Variants in STK32C observed in about 807,000 individuals in gnomAD.
STK32C encodes serine/threonine-protein kinase 32C.
STK32C carries 31 observed loss-of-function variants against 56.5 expected under a neutral mutation model. The ratio of observed to expected loss-of-function variants is 0.55; its 90% CI spans 0.41 to 0.74. The LOEUF (loss-of-function observed/expected upper bound fraction) is 0.74, where lower values mean the gene tolerates loss of function less well. Ranked by LOEUF, STK32C falls within the 30% of genes least tolerant of loss-of-function variation. The probability of loss-of-function intolerance (pLI) is 0.00; values close to 1 mark genes in which losing one functional copy is unlikely to be tolerated. For missense variants in STK32C, 544 were observed against 676.9 expected, an observed-to-expected ratio of 0.80 and a Z score of 2.18; for synonymous variants, 309 against 289.4, an observed-to-expected ratio of 1.07 and a Z score of -0.69.
chr10:132,219,567 A>C (rs973096448), intron 10 of STK32C, among the ~76,000 whole-genome samples: 3 of 152,162 alleles, frequency 2.0e-5, no homozygotes, highest in Non-Finnish European at 4.4e-5. Context: ...AATGGGGGCA[A>C]TGCCAAAGAA....
chr10:132,269,402 C>T (rs892128400), intron 1 of STK32C, among the ~76,000 whole-genome samples: 15 of 152,192 alleles, frequency 9.9e-5, no homozygotes, highest in Admixed American at 9.8e-4. Flanking sequence ...GCCTGGATTC[C>T]ACTGGCCGCA....
intron 1 of STK32C, among the ~76,000 whole-genome samples, chr10:132,303,364 T>A (rs2065966869): frequency 6.6e-6 from 1 of 152,234 alleles, no homozygotes; most frequent in Non-Finnish European, 1.5e-5. Flanking sequence ...AAATTATTAT[T>A]AACTGTGCTG....
intron 1 of STK32C, among the ~76,000 whole-genome samples, chr10:132,260,026 A>G (rs2064251774): frequency 6.6e-6 from 1 of 152,094 alleles, no homozygotes; most frequent in African/African-American, 2.4e-5. Context: ...CGGAGGCCCC[A>G]TGCACACATG....
intron 10 of STK32C, among the ~76,000 whole-genome samples, chr10:132,216,202 C>T (rs771166958): frequency 2.0e-5 from 3 of 152,180 alleles, no homozygotes; most frequent in Non-Finnish European, 4.4e-5. Context: ...CGGTGGCTCA[C>T]GCCTGTAATC....
intron 1 of STK32C, among the ~76,000 whole-genome samples, chr10:132,271,549 C>G (rs1274837159): frequency 6.6e-6 from 1 of 152,192 alleles, no homozygotes; most frequent in African/African-American, 2.4e-5. Flanking sequence ...AAATCTGACC[C>G]CACACACAGC....
chr10:132,238,445 G>A (rs899454361), intron 2 of STK32C, among the ~76,000 whole-genome samples: 1 of 152,232 alleles, frequency 6.6e-6, no homozygotes, highest in Non-Finnish European at 1.5e-5. Flanking sequence ...GGGGAAACAC[G>A]GGCAGAGCCT....
In STK32C at chr10:132,269,105, G is replaced by A. The variant is rs538395349; in HGVS notation, c.263-23150C>T. ...CAGCTGTGCCTGCGTGCGTCACATC[G>A]TGTGTGTGTGTGCCTGCGTGTGTAC... On this transcript the variant is annotated intron_variant, in intron 1 of 11. Coordinates refer to ENST00000298630, the MANE Select transcript of STK32C (RefSeq NM_173575.4). Among the ~76,000 whole-genome samples the A allele has an allele frequency of 5.1e-3, 765 of 150,470 alleles. 2 individuals are homozygous for A. Among genetic ancestry groups the A allele is most frequent in the Non-Finnish European group, 8.4e-3 (567 of 67,738 alleles).
intron 10 of STK32C, 67 bp downstream of exon 10, chr10:132,222,574 G>A: frequency 6.3e-7 from 1 of 1,579,328 alleles, no homozygotes; most frequent in Non-Finnish European, 8.6e-7. Context: ...CACACGCCTT[G>A]CTCGGTGGTA....
chr10:132,281,320 G>A (rs1032134222), intron 1 of STK32C, among the ~76,000 whole-genome samples: 2 of 151,474 alleles, frequency 1.3e-5, no homozygotes, highest in Non-Finnish European at 2.9e-5. Flanking sequence ...GGGGTTATCT[G>A]GGTGTGAGAT....
intron 1 of STK32C, among the ~76,000 whole-genome samples, chr10:132,300,938 G>T (rs1278434947): frequency 6.6e-6 from 1 of 152,190 alleles, no homozygotes; most frequent in Non-Finnish European, 1.5e-5. Context: ...AGAGAGGGAG[G>T]TTCAGAGAAA....
At chr10:132,305,531 C>T (rs1480487176) in intron 1 of STK32C, among the ~76,000 whole-genome samples, 1 of 152,208 alleles carries the variant, frequency 6.6e-6, no homozygotes, top group African/African-American at 2.4e-5. Flanking sequence ...CCAGGGCCTC[C>T]TTAAGCCAGT....
chr10:132,269,020 T>C (rs564688398), intron 1 of STK32C, among the ~76,000 whole-genome samples: 2 of 151,336 alleles, frequency 1.3e-5, no homozygotes, highest in East Asian at 3.9e-4. Context: ...TATGCCTGTG[T>C]GCACGCATGT....
rs543497907 is a variant in STK32C, at chr10:132,223,491, G to A, written c.994-505C>T. 3.9e-5 allele frequency among the ~76,000 whole-genome samples: 6 copies of A among 152,364 alleles called. No homozygotes were observed. The East Asian group carries it at 7.7e-4, about 20-fold the overall frequency. On this transcript the variant is annotated intron_variant, in intron 8 of 11. Transcript: ENST00000298630. ...AATGCCGCAGACCCAGACCCCGTGCGAGGTTTCCCAGACCTGGGCTTGGGC... is the reference window on the plus strand; with the variant it reads ...AATGCCGCAGACCCAGACCCCGTGCAAGGTTTCCCAGACCTGGGCTTGGGC...
upstream of STK32C, among the ~76,000 whole-genome samples, chr10:132,312,146 A>G (rs926911716): frequency 3.3e-5 from 5 of 152,252 alleles, no homozygotes; most frequent in African/African-American, 1.2e-4. Flanking sequence ...AGCTCGGACC[A>G]TAGATCCATG....
chr10:132,314,128 T>C (rs894625285), intron 1 of STK32C, among the ~76,000 whole-genome samples: 1 of 152,232 alleles, frequency 6.6e-6, no homozygotes, highest in Non-Finnish European at 1.5e-5. Flanking sequence ...CCCGCCCTTC[T>C]CTGCCCCTCT....
chr10:132,217,628 T>C (rs1046049414), intron 10 of STK32C, among the ~76,000 whole-genome samples: 3 of 152,112 alleles, frequency 2.0e-5, no homozygotes, highest in Non-Finnish European at 2.9e-5. Flanking sequence ...TTCCCACATG[T>C]TGTGGGAGGA....
chr10:132,318,486 G>A (rs1185013517), intron 1 of STK32C, among the ~76,000 whole-genome samples: 3 of 151,250 alleles, frequency 2.0e-5, no homozygotes, highest in South Asian at 2.1e-4. Flanking sequence ...ATGGTGGTGC[G>A]CACCTGTAAT....
At chr10:132,315,727 G>T (rs537821120) in intron 1 of STK32C, among the ~76,000 whole-genome samples, 2 of 152,134 alleles carry the variant, frequency 1.3e-5, no homozygotes, top group African/African-American at 4.8e-5. Flanking sequence ...TGACCTGATC[G>T]ACATCTATAG....
At chr10:132,214,402 T>A (rs2062405129) in intron 10 of STK32C, among the ~76,000 whole-genome samples, 1 of 152,174 alleles carries the variant, frequency 6.6e-6, no homozygotes, top group Non-Finnish European at 1.5e-5. Flanking sequence ...CAATCTAGAA[T>A]TCTATATCCA....
Sources: gnomAD v4.1 joint callset for allele counts (sites outside exome capture counted in the v4.1 genomes callset) on GRCh38, gnomAD v4.1.1 for gene constraint, MANE v1.5 for transcripts, NCBI Gene and HGNC (gene_info 2026-07-23, HGNC 2026-07-21) for gene names.